The following CEP128 variants were observed in gnomAD, a reference collection of about 807,000 sequenced individuals.
The protein encoded by CEP128 is centrosomal protein 128, also known as centrosomal protein 128kDa.
In CEP128, 132 loss-of-function variants were observed where a neutral mutation model predicts 156.7. The ratio of observed to expected loss-of-function variants is 0.84; its 90% CI spans 0.73 to 0.97. CEP128 has a LOEUF of 0.97. Among genes scored for constraint, CEP128 ranks in the 50% least tolerant of loss-of-function variants. The probability of loss-of-function intolerance (pLI) is 0.00; values close to 1 mark genes in which losing one functional copy is unlikely to be tolerated. For synonymous variants in CEP128, 469 were observed against 448.9 expected (o/e 1.04, Z -0.57); for missense variants, 1,252 against 1,281.9 (o/e 0.98, Z 0.36).
intron 13 of CEP128, among the ~76,000 whole-genome samples, chr14:80,807,013 A>C (rs1262711633): frequency 6.6e-6 from 1 of 152,172 alleles, no homozygotes; most frequent in Non-Finnish European, 1.5e-5. Flanking sequence ...ACAGAAACTA[A>C]GGAAAGCTAT....
intron 18 of CEP128, among the ~76,000 whole-genome samples, chr14:80,746,485 A>G (rs937318606): frequency 1.1e-4 from 16 of 152,202 alleles, no homozygotes; most frequent in African/African-American, 3.6e-4. Flanking sequence ...AATTTCATAG[A>G]GAAAAGAATA....
intron 14 of CEP128, among the ~76,000 whole-genome samples, chr14:80,485,108 T>C (rs1887134033): frequency 6.6e-6 from 1 of 152,156 alleles, no homozygotes; most frequent in African/African-American, 2.4e-5. Flanking sequence ...GATTTGTCTA[T>C]GAGAAGTTCA....
At chr14:80,509,268 T>C (rs1490065311) in intron 23 of CEP128, among the ~76,000 whole-genome samples, 1 of 152,196 alleles carries the variant, frequency 6.6e-6, no homozygotes, top group Non-Finnish European at 1.5e-5. Flanking sequence ...CAACCAACAG[T>C]GTATGGGGGT....
In CEP128 at chr14:80,572,505, G is replaced by C. The variant is rs570899193; in HGVS notation, c.2856+7869C>G. Among the ~76,000 whole-genome samples, 9 of 152,288 alleles carry C rather than the reference G, an allele frequency of 5.9e-5. No individual in the cohort carries two copies. The South Asian group carries it at 1.7e-3, about 28-fold the overall frequency. ...GATATTTGCCCAAAGTTTGAGGTCT[G>C]TCTAGGGATGTGCTGTGAGAGGTAT... On this transcript the variant is annotated intron_variant, in intron 20 of 24. Coordinates refer to ENST00000555265, the MANE Select transcript of CEP128 (RefSeq NM_152446.5).
At chr14:80,563,507 C>T (rs1346393426) in intron 20 of CEP128, among the ~76,000 whole-genome samples, 1 of 150,034 alleles carries the variant, frequency 6.7e-6, no homozygotes, top group East Asian at 1.9e-4. Context: ...CTGAAGCCTA[C>T]CCATGGGCCT....
At chr14:80,615,479 T>C (rs111634688) in intron 19 of CEP128, among the ~76,000 whole-genome samples, 31 of 152,210 alleles carry the variant, frequency 2.0e-4, no homozygotes, top group African/African-American at 7.2e-4. Flanking sequence ...TTGATGCAAA[T>C]AGAACAGCTA....
downstream of CEP128, among the ~76,000 whole-genome samples, chr14:80,487,741 T>C (rs1459062175): frequency 6.6e-6 from 1 of 152,116 alleles, no homozygotes; most frequent in Non-Finnish European, 1.5e-5. Context: ...ACTGCTCAAC[T>C]ACATGGAAAC....
chr14:80,784,360 T>C (rs1901284582), intron 15 of CEP128, among the ~76,000 whole-genome samples: 1 of 151,658 alleles, frequency 6.6e-6, no homozygotes, highest in African/African-American at 2.4e-5. Flanking sequence ...TTGCCCTGCA[T>C]GGTGATAATG....
chr14:80,936,652 C>T (rs1170059510), intron 2 of CEP128, among the ~76,000 whole-genome samples: 8 of 152,094 alleles, frequency 5.3e-5, no homozygotes, highest in African/African-American at 1.7e-4. Flanking sequence ...AAAATATTTG[C>T]ATTATATGGG....
chr14:80,667,258 C>T (rs967577092), intron 19 of CEP128, among the ~76,000 whole-genome samples: 1 of 152,180 alleles, frequency 6.6e-6, no homozygotes, highest in Admixed American at 6.5e-5. Flanking sequence ...GACCATGAGG[C>T]TGACTGAAGC....
intron 21 of CEP128, 137 bp from the exon 22 acceptor site, chr14:80,531,023 T>A: frequency 2.5e-6 from 1 of 403,374 alleles, no homozygotes; most frequent in Non-Finnish European, 4.5e-6. Context: ...TAAGAACATA[T>A]ATAATAGTAT....
At chr14:80,881,322 A>G (rs911588347) in intron 8 of CEP128, among the ~76,000 whole-genome samples, 1 of 152,162 alleles carries the variant, frequency 6.6e-6, no homozygotes, top group Admixed American at 6.5e-5. Flanking sequence ...AAAATCTAAA[A>G]CACATCTAGA....
Position 80,581,766 on chromosome 14 carries a change from T to C in CEP128, c.2807-1343A>G, listed in dbSNP as rs534288094. ...TGATTGGCATATCAGGTTCTGTAGC[T>C]ATAAGATACAGAAACCAACTTGGTG... On this transcript the variant is annotated intron_variant, in intron 19 of 24. Coordinates refer to ENST00000555265, the MANE Select transcript of CEP128 (RefSeq NM_152446.5). 2.0e-5 allele frequency among the ~76,000 whole-genome samples: 3 copies of C among 152,336 alleles called. No individual in the cohort carries two copies. In the East Asian group the frequency reaches 5.8e-4, roughly 29 times the overall value.
chr14:80,553,037 C>A (rs562414534), intron 21 of CEP128, among the ~76,000 whole-genome samples: 2 of 151,554 alleles, frequency 1.3e-5, no homozygotes, highest in Non-Finnish European at 2.9e-5. Flanking sequence ...TTCTAAAAAT[C>A]TTACGGTTTA....
At chr14:80,899,436 A>T (rs1883397837) in intron 7 of CEP128, among the ~76,000 whole-genome samples, 2 of 152,210 alleles carry the variant, frequency 1.3e-5, no homozygotes, top group African/African-American at 4.8e-5. Flanking sequence ...ATTAAATAAC[A>T]GCTATTGGGG....
At chr14:80,801,719 C>T (rs927119657) in intron 13 of CEP128, among the ~76,000 whole-genome samples, 2 of 151,626 alleles carry the variant, frequency 1.3e-5, no homozygotes, top group African/African-American at 4.8e-5. Flanking sequence ...TCAGCCTAGC[C>T]AACATAGTGA....
chr14:80,540,204 C>CCCG (rs1555372593), intron 21 of CEP128, among the ~76,000 whole-genome samples: 1 of 150,190 alleles, frequency 6.7e-6, no homozygotes, highest in Non-Finnish European at 1.5e-5. Context: ...TACACCCCCC[C>CCCG]CCCTTTTGAA....
rs1336956191 is a variant in CEP128 at position 80,710,022 on chromosome 14, T to A, written c.2806+33053A>T. Among the ~76,000 whole-genome samples, 3 of 151,472 alleles carry A rather than the reference T, an allele frequency of 2.0e-5. No individual in the cohort carries two copies. The East Asian group carries it at 5.8e-4, about 29-fold the overall frequency. On this transcript the variant is annotated intron_variant, in intron 19 of 24. Coordinates refer to ENST00000555265, the MANE Select transcript of CEP128 (RefSeq NM_152446.5). Reference sequence around the variant, plus strand: ...AAAAAAAAGCCAGCACAACAATTTGTTTTGTACCCTGTTTTTGTACCCTGG... The same window carrying A: ...AAAAAAAAGCCAGCACAACAATTTGATTTGTACCCTGTTTTTGTACCCTGG...
At chr14:80,860,757 A>G (rs1808321118) in intron 9 of CEP128, among the ~76,000 whole-genome samples, 2 of 152,082 alleles carry the variant, frequency 1.3e-5, no homozygotes, top group African/African-American at 4.8e-5. Flanking sequence ...ACAAAAGCAG[A>G]TTTTTCTATC....
Sources: allele counts gnomAD v4.1 joint callset (sites outside exome capture counted in the v4.1 genomes callset), GRCh38; gene constraint gnomAD v4.1.1; transcripts MANE v1.5; gene names NCBI Gene and HGNC (gene_info 2026-07-23, HGNC 2026-07-21).